PLXDC2: variants seen among roughly 807,000 people sequenced by gnomAD.
PLXDC2 encodes plexin domain-containing protein 2.
Under a neutral mutation model 68.9 loss-of-function variants are expected in PLXDC2, and 40 were observed. That is an observed-to-expected ratio of 0.58 (90% CI 0.45 to 0.76). PLXDC2 has a LOEUF of 0.76. Ranked by LOEUF, PLXDC2 falls within the 30% of genes least tolerant of loss-of-function variation. PLXDC2 has a pLI of 0.00. For missense variants in PLXDC2, 644 were observed against 661.9 expected, an observed-to-expected ratio of 0.97 and a Z score of 0.30; for synonymous variants, 243 against 234.2, an observed-to-expected ratio of 1.04 and a Z score of -0.34.
intron 9 of PLXDC2, among the ~76,000 whole-genome samples, chr10:20,194,922 G>A (rs887244299): frequency 6.6e-6 from 1 of 151,252 alleles, no homozygotes; most frequent in African/African-American, 2.4e-5. Context: ...CACCTTCTAC[G>A]GAAAAAGGTG....
At chr10:20,154,722 A>T (rs1260419607) in intron 6 of PLXDC2, among the ~76,000 whole-genome samples, 1 of 151,978 alleles carries the variant, frequency 6.6e-6, no homozygotes, top group Non-Finnish European at 1.5e-5. Flanking sequence ...GGCATTTGTA[A>T]TCACTCTGGA....
At chr10:20,101,956 C>T (rs1833427598) in intron 4 of PLXDC2, among the ~76,000 whole-genome samples, 2 of 152,050 alleles carry the variant, frequency 1.3e-5, no homozygotes, top group Non-Finnish European at 2.9e-5. Context: ...CGACCCCCAC[C>T]ATGCCCGGCT....
intron 13 of PLXDC2, among the ~76,000 whole-genome samples, chr10:20,261,813 CA>C (rs1224713454): frequency 6.6e-6 from 1 of 152,096 alleles, no homozygotes; most frequent in Non-Finnish European, 1.5e-5. Context: ...AAGATCGTGC[CA>C]TTGTACTCCA....
intron 2 of PLXDC2, among the ~76,000 whole-genome samples, chr10:20,014,951 G>A (rs1428729368): frequency 1.3e-5 from 2 of 152,116 alleles, no homozygotes; most frequent in African/African-American, 4.8e-5. Context: ...GTAAATGGCT[G>A]TGGCACTGTT....
At chr10:20,174,873 G>T (rs905446019) in intron 7 of PLXDC2, among the ~76,000 whole-genome samples, 2 of 151,948 alleles carry the variant, frequency 1.3e-5, no homozygotes, top group Admixed American at 6.6e-5. Flanking sequence ...GCAAGTTCTC[G>T]GATGAGTAGG....
At chr10:19,965,668 C>T (rs779994356) in intron 1 of PLXDC2, among the ~76,000 whole-genome samples, 2 of 150,588 alleles carry the variant, frequency 1.3e-5, no homozygotes, top group Non-Finnish European at 2.9e-5. Context: ...GTACTTGAAC[C>T]ATCCCGGTCT....
At chr10:20,168,163 CTTATG>C (rs1212386784) in intron 7 of PLXDC2, among the ~76,000 whole-genome samples, 1 of 151,990 alleles carries the variant, frequency 6.6e-6, no homozygotes, top group African/African-American at 2.4e-5. Flanking sequence ...AAAACTAAGA[CTTATG>C]TTAAAAAAGG....
At chr10:19,943,085 T>A (rs1311865979) in intron 1 of PLXDC2, among the ~76,000 whole-genome samples, 1 of 152,224 alleles carries the variant, frequency 6.6e-6, no homozygotes, top group East Asian at 1.9e-4. Flanking sequence ...TTCAGCTTCC[T>A]CTCCATCCTT....
intron 4 of PLXDC2, among the ~76,000 whole-genome samples, chr10:20,126,139 GTATA>G (rs1216427747): frequency 6.9e-6 from 1 of 145,496 alleles, no homozygotes; most frequent in Non-Finnish European, 1.5e-5. Flanking sequence ...TTATATATGT[GTATA>G]TATAACATAT....
intron 1 of PLXDC2, among the ~76,000 whole-genome samples, chr10:19,995,264 G>C (rs1326631219): frequency 6.6e-6 from 1 of 152,132 alleles, no homozygotes; most frequent in Non-Finnish European, 1.5e-5. Flanking sequence ...AGCAAAAGGA[G>C]ACAAAGCAAA....
intron 4 of PLXDC2, among the ~76,000 whole-genome samples, chr10:20,139,841 C>T (rs1412002700): frequency 4.5e-5 from 3 of 67,224 alleles, no homozygotes. Flanking sequence ...ACATCACACA[C>T]GGGGGCCGGT....
intron 1 of PLXDC2, among the ~76,000 whole-genome samples, chr10:19,937,750 T>C (rs550726931): frequency 5.3e-5 from 8 of 151,892 alleles, no homozygotes; most frequent in Admixed American, 4.6e-4. Flanking sequence ...GGGTGGGCCA[T>C]CTCTGGGCAG....
chr10:20,238,925 T>C (rs970209405), intron 12 of PLXDC2, among the ~76,000 whole-genome samples: 1 of 151,736 alleles, frequency 6.6e-6, no homozygotes. Context: ...TATATTATCT[T>C]GGATACTATT....
intron 1 of PLXDC2, among the ~76,000 whole-genome samples, chr10:19,912,817 C>T (rs1439935975): frequency 6.6e-6 from 1 of 152,124 alleles, no homozygotes; most frequent in East Asian, 1.9e-4. Flanking sequence ...TCTAGCTAGA[C>T]AGTGGATTTT....
intron 1 of PLXDC2, among the ~76,000 whole-genome samples, chr10:19,888,926 T>C (rs1208674485): frequency 6.6e-6 from 1 of 152,170 alleles, no homozygotes; most frequent in Non-Finnish European, 1.5e-5. Flanking sequence ...GGTGACTACC[T>C]CCAAAGGAAT....
chr10:19,849,307 C>G (rs1374807412), intron 1 of PLXDC2, among the ~76,000 whole-genome samples: 1 of 94,724 alleles, frequency 1.1e-5, no homozygotes, highest in Non-Finnish European at 2.6e-5. Flanking sequence ...AGTATTCTGT[C>G]TCGCTCTCTC....
chr10:20,184,302 A>T (rs1010722295), intron 9 of PLXDC2, among the ~76,000 whole-genome samples: 1 of 150,088 alleles, frequency 6.7e-6, no homozygotes, highest in Non-Finnish European at 1.5e-5. Flanking sequence ...TTGATTTAAA[A>T]GTAGGCGCCA....
At position 20,112,684 on chromosome 10, in the gene PLXDC2, CTT is replaced by C. The variant is rs1348436595; in HGVS notation, c.542-30609_542-30608del. ...ATTTTTAAGTATAGAAATTTTCTCA[CTT>C]TGCCTTAATTTAACATTATGTTAAT... On this transcript the variant is annotated intron_variant, in intron 4 of 13. Transcript: ENST00000377252. 6.6e-5 allele frequency among the ~76,000 whole-genome samples: 10 copies of C among 152,342 alleles called. No homozygotes were observed. In the East Asian group the frequency reaches 1.5e-3, roughly 24 times the overall value.
intron 3 of PLXDC2, among the ~76,000 whole-genome samples, chr10:20,062,642 T>C (rs1039451860): frequency 2.0e-5 from 3 of 152,120 alleles, no homozygotes; most frequent in Admixed American, 2.0e-4. Flanking sequence ...AATGTGTGTT[T>C]TATGATGAGT....
Sources: gnomAD v4.1 joint callset for allele counts (sites outside exome capture counted in the v4.1 genomes callset) on GRCh38, gnomAD v4.1.1 for gene constraint, MANE v1.5 for transcripts, NCBI Gene and HGNC (gene_info 2026-07-23, HGNC 2026-07-21) for gene names.